Variants in WASF3 observed in about 807,000 individuals in gnomAD.
WASF3 encodes WASP family member 3.
In WASF3, 11 loss-of-function variants were observed where a neutral mutation model predicts 46.6. The ratio of observed to expected loss-of-function variants is 0.24; its 90% CI spans 0.15 to 0.39. The LOEUF is 0.39. Among genes scored for constraint, WASF3 ranks in the 10% least tolerant of loss-of-function variants. The pLI is 1.00. For synonymous variants in WASF3, 242 were observed against 259.7 expected (o/e 0.93, Z 0.65); for missense variants, 576 against 669.8 (o/e 0.86, Z 1.55).
chr13:26,681,443 G>A, intron 8 of WASF3, 123 bp downstream of exon 8: 1 of 1,155,414 alleles, frequency 8.7e-7, no homozygotes, highest in Admixed American at 2.7e-5. Flanking sequence ...ATGACTGGAT[G>A]TAGATACTAG....
intron 3 of WASF3, among the ~76,000 whole-genome samples, chr13:26,651,551 A>G (rs1233568494): frequency 6.6e-6 from 1 of 152,216 alleles, no homozygotes; most frequent in African/African-American, 2.4e-5. Context: ...ATATCTTTTA[A>G]AAATGAAAGA....
intron 2 of WASF3, among the ~76,000 whole-genome samples, chr13:26,626,899 CAAAT>C (rs2137252422): frequency 6.6e-6 from 1 of 152,232 alleles, no homozygotes; most frequent in Admixed American, 6.5e-5. Context: ...GAGAAGTTGA[CAAAT>C]ACACAATTAT....
chr13:26,544,995 G>C, the WASF3 span, among the ~76,000 whole-genome samples: 1 of 152,206 alleles, frequency 6.6e-6, no homozygotes, highest in Non-Finnish European at 1.5e-5. Context: ...TTTGAGGCAC[G>C]ATCAGCCAGC....
At chr13:26,653,862 G>T (rs1054450251) in intron 3 of WASF3, among the ~76,000 whole-genome samples, 1 of 152,124 alleles carries the variant, frequency 6.6e-6, no homozygotes, top group Non-Finnish European at 1.5e-5. Flanking sequence ...ATTTCTAATA[G>T]GTATCTCTAA....
At chr13:26,610,183 C>T (rs1351919136) in intron 1 of WASF3, among the ~76,000 whole-genome samples, 1 of 152,178 alleles carries the variant, frequency 6.6e-6, no homozygotes, top group African/African-American at 2.4e-5. Context: ...CTACGTCTGT[C>T]AGATTTGTTC....
At chr13:26,638,894 C>T (rs934338810) in intron 2 of WASF3, among the ~76,000 whole-genome samples, 15 of 152,314 alleles carry the variant, frequency 9.8e-5, no homozygotes, top group Admixed American at 8.5e-4. Flanking sequence ...GAATGGATTA[C>T]TTCCTGTGAG....
chr13:26,676,474 T>C, intron 6 of WASF3, 75 bp from the exon 7 acceptor site: 5 of 1,524,168 alleles, frequency 3.3e-6, no homozygotes, highest in Admixed American at 1.9e-5. Flanking sequence ...GCCTTGTGCA[T>C]TATAACTGCA....
At chr13:26,572,386 T>C (rs1253912497) in intron 1 of WASF3, among the ~76,000 whole-genome samples, 2 of 152,200 alleles carry the variant, frequency 1.3e-5, no homozygotes, top group Admixed American at 1.3e-4. Flanking sequence ...TCTTAAGTTA[T>C]GTTAAGAAAG....
chr13:26,612,331 T>C (rs1195075511), intron 1 of WASF3, among the ~76,000 whole-genome samples: 1 of 152,242 alleles, frequency 6.6e-6, no homozygotes, highest in Non-Finnish European at 1.5e-5. Flanking sequence ...TAGGAAACCA[T>C]GTCATGCTTC....
In WASF3 at chr13:26,680,754, C is replaced by T. The variant is rs79878199; in HGVS notation, c.717-300C>T. On this transcript the variant is annotated intron_variant, in intron 7 of 9. Coordinates refer to ENST00000335327, the MANE Select transcript of WASF3 (RefSeq NM_006646.6). Reference sequence around the variant, plus strand: ...TCTTTCATAGCCTTCTTAGAGAAAACGTATGCTGAAATACTGTGAAAAGGA... The same window carrying T: ...TCTTTCATAGCCTTCTTAGAGAAAATGTATGCTGAAATACTGTGAAAAGGA... 2.6e-4 allele frequency among the ~76,000 whole-genome samples: 39 copies of T among 152,220 alleles called. No individual in the cohort carries two copies. In the East Asian group the frequency reaches 7.5e-3, roughly 29 times the overall value.
intron 3 of WASF3, among the ~76,000 whole-genome samples, chr13:26,652,883 G>T (rs371197951): frequency 7.2e-6 from 1 of 138,016 alleles, no homozygotes; most frequent in Non-Finnish European, 1.5e-5. Flanking sequence ...AAGAAGAAAG[G>T]TTTAAAATCA....
chr13:26,550,201 G>C, the WASF3 span, among the ~76,000 whole-genome samples: 1 of 152,170 alleles, frequency 6.6e-6, no homozygotes, highest in Non-Finnish European at 1.5e-5. Flanking sequence ...TGCTACATCA[G>C]ACTGCAGGGT....
chr13:26,550,687 G>A, the WASF3 span, among the ~76,000 whole-genome samples: 1 of 152,164 alleles, frequency 6.6e-6, no homozygotes, highest in African/African-American at 2.4e-5. Flanking sequence ...TAAGGCCTGT[G>A]CATATCTTGC....
At chr13:26,671,157 G>A (rs1479344830) in intron 5 of WASF3, among the ~76,000 whole-genome samples, 7 of 152,134 alleles carry the variant, frequency 4.6e-5, no homozygotes, top group Non-Finnish European at 8.8e-5. Context: ...TGATTTATAT[G>A]ACAGTTTTGG....
rs1883422648 is a variant in WASF3, at chr13:26,686,913, G to T, written c.*1068G>T. The stretch of plus-strand genomic sequence containing the variant: ...TTGACAGCTATTCACCTTTCACGGT[G>T]CTGGGGCCAGATTAGGGATCACTCC... On this transcript the variant is annotated 3_prime_UTR_variant, in exon 10 of 10. Coordinates refer to ENST00000335327, the MANE Select transcript of WASF3 (RefSeq NM_006646.6). 1 of 152,394 alleles carries T rather than the reference G, an allele frequency of 6.6e-6. No homozygotes were observed. 9.4% of individuals were successfully genotyped at this position (152,394 alleles called of 1,614,324 possible).
chr13:26,597,309 A>G (rs996865962), intron 1 of WASF3, among the ~76,000 whole-genome samples: 4 of 152,156 alleles, frequency 2.6e-5, no homozygotes, highest in African/African-American at 9.6e-5. Flanking sequence ...AATGTTTTGT[A>G]TTTTTAGTAG....
At chr13:26,651,152 A>G (rs7334795) in intron 3 of WASF3, among the ~76,000 whole-genome samples, 26 of 151,894 alleles carry the variant, frequency 1.7e-4, no homozygotes, top group Admixed American at 1.2e-3. Flanking sequence ...TGAAACCCCA[A>G]CTCTACTAAA....
the WASF3 span, among the ~76,000 whole-genome samples, chr13:26,549,068 G>A: frequency 2.7e-5 from 4 of 150,082 alleles, no homozygotes; most frequent in Admixed American, 6.7e-5. Flanking sequence ...TGCAACCTCC[G>A]ACTCCCTGGT....
At chr13:26,568,054 T>C (rs1031554796) in intron 1 of WASF3, among the ~76,000 whole-genome samples, 2 of 151,422 alleles carry the variant, frequency 1.3e-5, no homozygotes, top group African/African-American at 2.4e-5. Flanking sequence ...GCAGTGTGAA[T>C]AGGGGGTTGG....
Sources: gnomAD v4.1 joint callset for allele counts (sites outside exome capture counted in the v4.1 genomes callset) on GRCh38, gnomAD v4.1.1 for gene constraint, MANE v1.5 for transcripts, NCBI Gene and HGNC (gene_info 2026-07-23, HGNC 2026-07-21) for gene names.